The following ERC1 variants were observed in gnomAD, a reference collection of about 807,000 sequenced individuals.
The protein encoded by ERC1 is ELKS/RAB6-interacting/CAST family member 1.
ERC1 carries 56 observed loss-of-function variants against 132.0 expected under a neutral mutation model. That is an observed-to-expected ratio of 0.42 (90% CI 0.34 to 0.53). ERC1 has a LOEUF of 0.53. ERC1 is among the 20% of genes least tolerant of loss of function. The probability of loss-of-function intolerance (pLI) is 0.03; values close to 1 mark genes in which losing one functional copy is unlikely to be tolerated. For synonymous variants in ERC1, 478 were observed against 476.1 expected (o/e 1.00, Z -0.05); for missense variants, 1,202 against 1,349.9 (o/e 0.89, Z 1.72).
chr12:1,082,571 A>G (rs1178061836), intron 2 of ERC1, among the ~76,000 whole-genome samples: 6 of 148,264 alleles, frequency 4.0e-5, no homozygotes, highest in African/African-American at 5.0e-5. Context: ...GCTCACTGCA[A>G]TTCCCACCTC....
At chr12:1,406,180 G>A (rs1338786355) in intron 16 of ERC1, among the ~76,000 whole-genome samples, 2 of 152,130 alleles carry the variant, frequency 1.3e-5, no homozygotes, top group Non-Finnish European at 2.9e-5. Context: ...CATTTTAAAG[G>A]TGAGGAAACT....
intron 15 of ERC1, among the ~76,000 whole-genome samples, chr12:1,355,172 C>T (rs888793554): frequency 6.6e-6 from 1 of 151,958 alleles, no homozygotes; most frequent in African/African-American, 2.4e-5. Flanking sequence ...ACCAGCGTAG[C>T]CATAGAAAAT....
chr12:1,321,942 A>AT (rs796404659), intron 15 of ERC1, among the ~76,000 whole-genome samples: 1 of 151,868 alleles, frequency 6.6e-6, no homozygotes, highest in African/African-American at 2.4e-5. Flanking sequence ...AGTTTTTACT[A>AT]CTTCATTTTA....
chr12:1,348,153 T>C (rs1289586042), intron 15 of ERC1, among the ~76,000 whole-genome samples: 1 of 152,230 alleles, frequency 6.6e-6, no homozygotes, highest in South Asian at 2.1e-4. Context: ...AACCACTATG[T>C]GACCAGTGTA....
intron 18 of ERC1, among the ~76,000 whole-genome samples, chr12:1,453,693 T>A (rs2154417346): frequency 6.6e-6 from 1 of 152,344 alleles, no homozygotes; most frequent in East Asian, 1.9e-4. Context: ...CTTTTTTCTT[T>A]ATTGTGTGTG....
At chr12:1,399,584 A>G (rs1052831846) in intron 16 of ERC1, among the ~76,000 whole-genome samples, 2 of 152,170 alleles carry the variant, frequency 1.3e-5, no homozygotes, top group African/African-American at 2.4e-5. Flanking sequence ...CCACTGATCT[A>G]CTTTCTCTAT....
intron 8 of ERC1, among the ~76,000 whole-genome samples, chr12:1,172,464 T>A: frequency 6.6e-6 from 1 of 152,160 alleles, no homozygotes; most frequent in Non-Finnish European, 1.5e-5. Flanking sequence ...CAAGACCCTG[T>A]CTCAAAAACA....
intron 17 of ERC1, chr12:1,410,541 CTG>C (rs2091780843): frequency 2.3e-6 from 1 of 433,254 alleles, no homozygotes; most frequent in Non-Finnish European, 4.0e-6. Context: ...TCTCATTTCT[CTG>C]TAATTCATGA....
intron 15 of ERC1, among the ~76,000 whole-genome samples, chr12:1,340,862 A>G (rs1408015629): frequency 6.6e-6 from 1 of 151,918 alleles, no homozygotes; most frequent in Non-Finnish European, 1.5e-5. Flanking sequence ...GGCCTCCCAA[A>G]GTGCTGAGAT....
chr12:1,364,009 C>T (rs138883014), intron 15 of ERC1, among the ~76,000 whole-genome samples: 18 of 152,324 alleles, frequency 1.2e-4, no homozygotes, highest in African/African-American at 3.8e-4. Context: ...AGGACCCCAG[C>T]GTGCACTGTT....
At chr12:994,012 T>G (rs1164620846) in intron 1 of ERC1, among the ~76,000 whole-genome samples, 1 of 131,942 alleles carries the variant, frequency 7.6e-6, no homozygotes, top group Non-Finnish European at 1.5e-5. Context: ...GAGCTTGCAG[T>G]GAGCCGAGAT....
intron 12 of ERC1, among the ~76,000 whole-genome samples, chr12:1,217,215 A>G (rs1958512922): frequency 6.6e-6 from 1 of 152,194 alleles, no homozygotes; most frequent in South Asian, 2.1e-4. Flanking sequence ...CTGCGTTTTA[A>G]GGCAGGGTTT....
intron 12 of ERC1, among the ~76,000 whole-genome samples, chr12:1,225,625 G>A (rs1199640348): frequency 2.0e-5 from 3 of 152,166 alleles, no homozygotes; most frequent in Non-Finnish European, 4.4e-5. Context: ...CTTACTCTTC[G>A]ATATAATTGT....
At chr12:1,333,299 C>T (rs565063126) in intron 15 of ERC1, among the ~76,000 whole-genome samples, 12 of 150,804 alleles carry the variant, frequency 8.0e-5, no homozygotes, top group South Asian at 6.3e-4. Context: ...TATTTATGGC[C>T]GCATAGTATT....
At chr12:1,270,248 C>T (rs1216903696) in intron 14 of ERC1, among the ~76,000 whole-genome samples, 4 of 152,118 alleles carry the variant, frequency 2.6e-5, no homozygotes, top group Non-Finnish European at 4.4e-5. Context: ...CACTTCTTCA[C>T]CCACACTGGA....
chr12:999,954 G>C (rs1961867935), intron 1 of ERC1, among the ~76,000 whole-genome samples: 1 of 152,118 alleles, frequency 6.6e-6, no homozygotes, highest in Admixed American at 6.6e-5. Context: ...AGCTATTGAA[G>C]ATTTCTGAGT....
At chr12:1,262,612 C>G (rs1021356649) in intron 13 of ERC1, among the ~76,000 whole-genome samples, 21 of 152,320 alleles carry the variant, frequency 1.4e-4, no homozygotes, top group Admixed American at 3.9e-4. Flanking sequence ...GCTTACTGCA[C>G]TTTTTCATGT....
chr12:1,275,533 CAT>C (rs2078204340), intron 14 of ERC1, among the ~76,000 whole-genome samples: 2 of 152,202 alleles, frequency 1.3e-5, no homozygotes, highest in East Asian at 1.9e-4. Context: ...GTTAGGAAAA[CAT>C]ATAATCCAAG....
At chr12:1,391,236 A>G (rs997177217) in intron 16 of ERC1, 3 of 152,236 alleles carry the variant, frequency 2.0e-5, no homozygotes, top group African/African-American at 7.2e-5. Context: ...CAGGGGAAGA[A>G]TGGGGTGCTG....
Sources: allele counts gnomAD v4.1 joint callset (sites outside exome capture counted in the v4.1 genomes callset), GRCh38; gene constraint gnomAD v4.1.1; transcripts MANE v1.5; gene names NCBI Gene and HGNC (gene_info 2026-07-23, HGNC 2026-07-21).